The following SCN8A variants were observed in gnomAD, a reference collection of about 807,000 sequenced individuals.
The protein encoded by SCN8A is sodium voltage-gated channel alpha subunit 8.
A neutral mutation model predicts 184.1 loss-of-function variants in SCN8A; 30 were observed. The observed-to-expected ratio is 0.16, with a 90% confidence interval of 0.12 to 0.22. SCN8A has a LOEUF of 0.22. Ranked by LOEUF, SCN8A falls within the 10% of genes least tolerant of loss-of-function variation. SCN8A has a pLI of 1.00. For missense variants in SCN8A, 1,057 were observed against 2,498.9 expected, an observed-to-expected ratio of 0.42 and a Z score of 12.30; for synonymous variants, 852 against 907.0, an observed-to-expected ratio of 0.94 and a Z score of 1.09.
At chr12:51,797,977 G>A (rs569696921) in intron 26 of SCN8A, among the ~76,000 whole-genome samples, 45 of 152,224 alleles carry the variant, frequency 3.0e-4, no homozygotes, top group Middle Eastern at 3.4e-3. Flanking sequence ...GGGGTGATGG[G>A]GAGTGGTGCC....
At position 51,683,548 on chromosome 12, in the gene SCN8A, C is replaced by T. The variant is rs1173015526; in HGVS notation, c.277-626C>T. Among the ~76,000 whole-genome samples the T allele has an allele frequency of 2.0e-5, 3 of 152,156 alleles. No homozygotes were observed. In the East Asian group the frequency reaches 5.8e-4, roughly 29 times the overall value. On this transcript the variant is annotated intron_variant, in intron 2 of 26. Transcript: ENST00000627620. ...CAGTCTTTGCTGAAATCTCTCTTCT[C>T]AATAGGCTTATCCTGACCACCTCTT...
At chr12:51,682,859 C>T (rs1279491930) in intron 2 of SCN8A, among the ~76,000 whole-genome samples, 2 of 152,116 alleles carry the variant, frequency 1.3e-5, no homozygotes, top group Non-Finnish European at 2.9e-5. Flanking sequence ...TATTCTCCAT[C>T]AACACTGAAT....
At chr12:51,620,279 A>G (rs1171337555) in intron 1 of SCN8A, among the ~76,000 whole-genome samples, 1 of 152,176 alleles carries the variant, frequency 6.6e-6, no homozygotes, top group Admixed American at 6.5e-5. Flanking sequence ...AAAGTTTTTC[A>G]TGTTTACTTG....
intron 21 of SCN8A, among the ~76,000 whole-genome samples, chr12:51,783,427 C>T (rs897806035): frequency 6.6e-6 from 1 of 152,170 alleles, no homozygotes; most frequent in East Asian, 1.9e-4. Flanking sequence ...ATGGGCTCAA[C>T]TGTCACTGTG....
At chr12:51,619,762 A>C (rs148996138) in intron 1 of SCN8A, among the ~76,000 whole-genome samples, 81 of 152,330 alleles carry the variant, frequency 5.3e-4, no homozygotes, top group African/African-American at 1.5e-3. Context: ...AAATGACTAA[A>C]TAGTAAACAA....
At chr12:51,623,352 C>G (rs1277322015) in intron 1 of SCN8A, among the ~76,000 whole-genome samples, 1 of 152,204 alleles carries the variant, frequency 6.6e-6, no homozygotes, top group Non-Finnish European at 1.5e-5. Context: ...ATCTTTGACT[C>G]CAACTCAGTA....
At chr12:51,636,443 G>A (rs1030473763) in intron 1 of SCN8A, among the ~76,000 whole-genome samples, 2 of 152,134 alleles carry the variant, frequency 1.3e-5, no homozygotes, top group African/African-American at 4.8e-5. Context: ...AGCCCAAGAA[G>A]GTGCTCCATT....
intron 2 of SCN8A, among the ~76,000 whole-genome samples, chr12:51,674,629 C>G (rs114138960): frequency 0.011 from 1,699 of 152,258 alleles, 45 homozygotes; most frequent in African/African-American, 0.039. Flanking sequence ...GCCACTGCAC[C>G]TGGCCAGCCC....
At position 51,689,006 on chromosome 12, in the gene SCN8A, T is replaced by C. The variant is rs1281831534; in HGVS notation, c.616T>C (p.Tyr206His). 1.2e-6 allele frequency: 2 copies of C among 1,613,454 alleles called. No homozygotes were observed. Among genetic ancestry groups the C allele is most frequent in the African/African-American group, 2.7e-5 (2 of 74,890 alleles). The change falls in exon 6 of 27, where the codon TAT (tyrosine) becomes CAT (histidine). Residue 206 changes from tyrosine to histidine, a missense_variant and splice_region_variant. This residue lies in a region of SCN8A where 66 missense variants were observed against 276.4 expected (regional missense o/e 0.24). Transcript: ENST00000627620. ...WLDFSVIMMAYVTEFVDLGNV... is the reference protein window; with the variant it reads ...WLDFSVIMMAHVTEFVDLGNV... ...TGTGTGTGACCTCCCTTACTACAGA[T>C]ATGTGACAGAGTTTGTGGACCTGGG...
At chr12:51,606,825 G>GTATTTTATTTTATTT (rs56405324) in intron 1 of SCN8A, among the ~76,000 whole-genome samples, 1 of 149,910 alleles carries the variant, frequency 6.7e-6, no homozygotes, top group Non-Finnish European at 1.5e-5. Flanking sequence ...ATATTCCTAA[G>GTATTTTATTTTATTT]TATTTTATTT....
At chr12:51,687,946 A>G (rs1350521797) in intron 5 of SCN8A, among the ~76,000 whole-genome samples, 1 of 152,220 alleles carries the variant, frequency 6.6e-6, no homozygotes, top group African/African-American at 2.4e-5. Flanking sequence ...GCATGTATGC[A>G]TGATGTGTAA....
At chr12:51,739,826 C>G (rs1403378497) in intron 12 of SCN8A, among the ~76,000 whole-genome samples, 1 of 152,192 alleles carries the variant, frequency 6.6e-6, no homozygotes. Context: ...CACACACACA[C>G]AGAAATATAG....
At chr12:51,630,129 A>G (rs1940167606) in intron 1 of SCN8A, among the ~76,000 whole-genome samples, 1 of 152,152 alleles carries the variant, frequency 6.6e-6, no homozygotes, top group Non-Finnish European at 1.5e-5. Flanking sequence ...TATAAAATTT[A>G]CCATTTTTAC....
intron 1 of SCN8A, among the ~76,000 whole-genome samples, chr12:51,631,869 T>C (rs963070553): frequency 7.9e-5 from 12 of 152,172 alleles, no homozygotes; most frequent in African/African-American, 2.7e-4. Context: ...TTTTCAAATG[T>C]TCCTTCCTGA....
At chr12:51,661,766 C>A (rs1198965142) in intron 1 of SCN8A, among the ~76,000 whole-genome samples, 3 of 152,222 alleles carry the variant, frequency 2.0e-5, no homozygotes, top group Non-Finnish European at 4.4e-5. Context: ...GTGCTTGAAA[C>A]TGAATACTGC....
chr12:51,736,242 A>G (rs1380438164), intron 12 of SCN8A, among the ~76,000 whole-genome samples: 1 of 152,212 alleles, frequency 6.6e-6, no homozygotes, highest in Non-Finnish European at 1.5e-5. Flanking sequence ...CTCTGTTTTA[A>G]TAGAAGCCCA....
intron 26 of SCN8A, among the ~76,000 whole-genome samples, chr12:51,799,920 G>T (rs749283778): frequency 3.3e-5 from 5 of 152,340 alleles, no homozygotes; most frequent in Admixed American, 1.3e-4. Flanking sequence ...ATTTTAGTCT[G>T]ATTTATTTCC....
At chr12:51,785,048 C>G (rs970025814) in intron 21 of SCN8A, among the ~76,000 whole-genome samples, 2 of 152,184 alleles carry the variant, frequency 1.3e-5, no homozygotes, top group East Asian at 1.9e-4. Flanking sequence ...TAATCTACTC[C>G]CGTATTGTTT....
intron 8 of SCN8A, among the ~76,000 whole-genome samples, chr12:51,701,688 TCATC>T (rs1941690181): frequency 6.6e-6 from 1 of 152,226 alleles, no homozygotes; most frequent in Non-Finnish European, 1.5e-5. Flanking sequence ...TTGGTTTTTT[TCATC>T]CATAAAATGG....
Sources: allele counts gnomAD v4.1 joint callset (sites outside exome capture counted in the v4.1 genomes callset), GRCh38; gene constraint gnomAD v4.1.1; regional missense constraint gnomAD v4.1.1; transcripts MANE v1.5; gene names NCBI Gene and HGNC (gene_info 2026-07-23, HGNC 2026-07-21).